PRKCA: variants seen among roughly 807,000 people sequenced by gnomAD.
The protein encoded by PRKCA is protein kinase C alpha type.
In PRKCA, 27 loss-of-function variants were observed where a neutral mutation model predicts 87.0. The observed-to-expected ratio is 0.31, with a 90% confidence interval of 0.23 to 0.43. The LOEUF is 0.43. PRKCA is among the 20% of genes least tolerant of loss of function. The pLI is 1.00. For missense variants in PRKCA, 518 were observed against 852.3 expected, an observed-to-expected ratio of 0.61 and a Z score of 4.88; for synonymous variants, 329 against 311.1, an observed-to-expected ratio of 1.06 and a Z score of -0.61.
chr17:66,647,594 G>C (rs986275979), intron 5 of PRKCA, among the ~76,000 whole-genome samples: 1 of 152,196 alleles, frequency 6.6e-6, no homozygotes, highest in Non-Finnish European at 1.5e-5. Flanking sequence ...AACCTCAAGA[G>C]CCTTGCAGAT....
intron 3 of PRKCA, among the ~76,000 whole-genome samples, chr17:66,546,351 A>G (rs1313091758): frequency 6.6e-6 from 1 of 152,216 alleles, no homozygotes. Flanking sequence ...GCCATAACAG[A>G]TTAACATAGA....
chr17:66,405,754 A>G (rs1264087866), intron 2 of PRKCA, among the ~76,000 whole-genome samples: 1 of 152,218 alleles, frequency 6.6e-6, no homozygotes, highest in African/African-American at 2.4e-5. Flanking sequence ...CAAATGCCTG[A>G]ATGGAGAAGA....
At chr17:66,620,953 G>T (rs1970662680) in intron 3 of PRKCA, among the ~76,000 whole-genome samples, 1 of 152,176 alleles carries the variant, frequency 6.6e-6, no homozygotes, top group Non-Finnish European at 1.5e-5. Flanking sequence ...CCCTGGCAAT[G>T]GGGTAAAAAT....
At chr17:66,506,778 C>T (rs12450810) in intron 3 of PRKCA, among the ~76,000 whole-genome samples, 5,538 of 152,246 alleles carry the variant, frequency 0.036, 136 homozygotes, top group Admixed American at 0.052. Flanking sequence ...GTGGGTGAGG[C>T]AATAGCTTTT....
intron 3 of PRKCA, among the ~76,000 whole-genome samples, chr17:66,620,589 GA>G (rs1382408390): frequency 6.6e-6 from 1 of 151,922 alleles, no homozygotes; most frequent in East Asian, 1.9e-4. Context: ...TTCATAAGGG[GA>G]AAAAAAATGA....
intron 16 of PRKCA, among the ~76,000 whole-genome samples, chr17:66,790,706 G>A (rs558847786): frequency 1.3e-5 from 2 of 152,206 alleles, no homozygotes; most frequent in Non-Finnish European, 2.9e-5. Flanking sequence ...TCCAGAAAGC[G>A]ATGAGTTGCA....
chr17:66,421,699 A>C (rs1251862581), intron 2 of PRKCA, among the ~76,000 whole-genome samples: 1 of 136,380 alleles, frequency 7.3e-6, no homozygotes, highest in Non-Finnish European at 1.6e-5. Flanking sequence ...GGCCTGGCTA[A>C]TTTTTTTTTT....
At chr17:66,529,053 TTTA>T (rs1967448290) in intron 3 of PRKCA, among the ~76,000 whole-genome samples, 1 of 152,202 alleles carries the variant, frequency 6.6e-6, no homozygotes, top group Non-Finnish European at 1.5e-5. Context: ...TTCTTGTTGT[TTTA>T]TTGTTTTTAA....
At chr17:66,450,034 G>A (rs921808207) in intron 2 of PRKCA, among the ~76,000 whole-genome samples, 1 of 151,104 alleles carries the variant, frequency 6.6e-6, no homozygotes, top group Non-Finnish European at 1.5e-5. Flanking sequence ...TTTTTTTTAA[G>A]CATTGTTTAT....
intron 13 of PRKCA, among the ~76,000 whole-genome samples, chr17:66,748,644 C>T (rs533410894): frequency 7.9e-5 from 12 of 152,164 alleles, no homozygotes; most frequent in East Asian, 5.8e-4. Context: ...GTAATGATGC[C>T]GGGATGGGGT....
intron 13 of PRKCA, among the ~76,000 whole-genome samples, chr17:66,749,794 C>T (rs971870501): frequency 7.2e-5 from 11 of 152,116 alleles, no homozygotes; most frequent in Admixed American, 3.3e-4. Flanking sequence ...AGGGGTGGAA[C>T]TCTTTAGCCA....
intron 2 of PRKCA, among the ~76,000 whole-genome samples, chr17:66,483,437 T>TC (rs1395025887): frequency 6.6e-6 from 1 of 151,566 alleles, no homozygotes; most frequent in Non-Finnish European, 1.5e-5. Context: ...TGTCCAAATT[T>TC]CCCCTTGCCT....
At chr17:66,799,768 T>C (rs993451258) in intron 16 of PRKCA, among the ~76,000 whole-genome samples, 2 of 151,872 alleles carry the variant, frequency 1.3e-5, no homozygotes, top group Non-Finnish European at 2.9e-5. Flanking sequence ...GTTTGACTTA[T>C]AGTAGATTGT....
rs911030093 is a variant in PRKCA at position 66,773,525 on chromosome 17, A to T, written c.1525-462A>T. Among the ~76,000 whole-genome samples the T allele has an allele frequency of 3.2e-3, 447 of 140,594 alleles. 4 individuals carry two copies. The highest frequency in any genetic ancestry group is 0.01 in the African/African-American group (398 of 37,938). 92.2% of individuals were successfully genotyped at this position (140,594 alleles called of 152,430 possible). On this transcript the variant is annotated intron_variant, in intron 13 of 16. Transcript: ENST00000413366. ...TTTTTTTTTTTTTTTAATTAAAAAA[A>T]TTTTTTTTAATAGAGACAGGATCTT...
At chr17:66,438,240 AG>A (rs549991638) in intron 2 of PRKCA, among the ~76,000 whole-genome samples, 70 of 152,304 alleles carry the variant, frequency 4.6e-4, no homozygotes, top group African/African-American at 1.6e-3. Flanking sequence ...TGGCAGTGAC[AG>A]TCCTGAGGAA....
At chr17:66,595,383 T>C (rs927938159) in intron 3 of PRKCA, among the ~76,000 whole-genome samples, 3 of 151,910 alleles carry the variant, frequency 2.0e-5, no homozygotes, top group Non-Finnish European at 4.4e-5. Context: ...TTAGGGCCCA[T>C]CCTAAATTCT....
intron 3 of PRKCA, among the ~76,000 whole-genome samples, chr17:66,550,814 A>G (rs1021011324): frequency 9.2e-5 from 14 of 152,200 alleles, no homozygotes; most frequent in Non-Finnish European, 4.4e-5. Flanking sequence ...GAAGCGACAC[A>G]TTCGTCTTTC....
At chr17:66,394,493 G>A (rs554548738) in intron 2 of PRKCA, among the ~76,000 whole-genome samples, 51 of 152,316 alleles carry the variant, frequency 3.3e-4, no homozygotes, top group African/African-American at 1.1e-3. Flanking sequence ...CCCTAATCAC[G>A]ACATCGGGCA....
chr17:66,480,773 A>T (rs1019360066), intron 2 of PRKCA, among the ~76,000 whole-genome samples: 15 of 144,518 alleles, frequency 1.0e-4, no homozygotes, highest in Admixed American at 9.5e-4. Flanking sequence ...CTTTGTAATT[A>T]TATGGCTTAA....
Sources: gnomAD v4.1 joint callset for allele counts (sites outside exome capture counted in the v4.1 genomes callset) on GRCh38, gnomAD v4.1.1 for gene constraint, MANE v1.5 for transcripts, NCBI Gene and HGNC (gene_info 2026-07-23, HGNC 2026-07-21) for gene names.